PPP1R9A: variants seen among roughly 807,000 people sequenced by gnomAD.
PPP1R9A encodes neurabin-1.
PPP1R9A carries 59 observed loss-of-function variants against 141.9 expected under a neutral mutation model. That is an observed-to-expected ratio of 0.42 (90% CI 0.34 to 0.52). The LOEUF is 0.52. Ranked by LOEUF, PPP1R9A falls within the 20% of genes least tolerant of loss-of-function variation. The pLI, the probability that PPP1R9A is intolerant of heterozygous loss-of-function variation, is 0.10. For missense variants in PPP1R9A, 1,444 were observed against 1,611.9 expected (o/e 0.90, Z 1.78); for synonymous variants, 500 against 569.7 (o/e 0.88, Z 1.74).
At chr7:95,276,778 A>G (rs1456120259) in intron 16 of PPP1R9A, among the ~76,000 whole-genome samples, 4 of 151,968 alleles carry the variant, frequency 2.6e-5, no homozygotes, top group African/African-American at 9.7e-5. Context: ...ACAAGGAAAG[A>G]AGAAGGACAC....
rs1325230011 is a variant in PPP1R9A, at chr7:95,194,976, A to G, written c.1755-3373A>G. 2.0e-5 allele frequency among the ~76,000 whole-genome samples: 3 copies of G among 152,142 alleles called. No individual in the cohort carries two copies. In the East Asian group the frequency reaches 5.8e-4, roughly 29 times the overall value. The stretch of plus-strand genomic sequence containing the variant: ...AATTGACAAGCTGATTTTAAAATTT[A>G]TATGGAATTGCAGAGGAAAAACAAT... On this transcript the variant is annotated intron_variant, in intron 5 of 19. Coordinates refer to ENST00000433360, the MANE Select transcript of PPP1R9A (RefSeq NM_001166160.2).
intron 7 of PPP1R9A, among the ~76,000 whole-genome samples, chr7:95,218,415 G>T (rs146172713): frequency 6.6e-6 from 1 of 152,144 alleles, no homozygotes; most frequent in South Asian, 2.1e-4. Context: ...GAATAAGTGC[G>T]ATGTGGTGCT....
At chr7:95,285,713 A>G (rs1467395950) in intron 17 of PPP1R9A, among the ~76,000 whole-genome samples, 2 of 152,180 alleles carry the variant, frequency 1.3e-5, no homozygotes, top group African/African-American at 2.4e-5. Flanking sequence ...CTTGAAGGGT[A>G]CATCCAGGAG....
intron 2 of PPP1R9A, among the ~76,000 whole-genome samples, chr7:94,961,421 A>C (rs1209912362): frequency 6.6e-6 from 1 of 151,644 alleles, no homozygotes; most frequent in Non-Finnish European, 1.5e-5. Flanking sequence ...AATAAAAAAA[A>C]CTGATAGCCT....
intron 8 of PPP1R9A, among the ~76,000 whole-genome samples, chr7:95,235,588 A>G (rs1796571739): frequency 6.6e-6 from 1 of 152,200 alleles, no homozygotes; most frequent in Admixed American, 6.5e-5. Context: ...GTAAACTAGT[A>G]CAACCACTAT....
intron 5 of PPP1R9A, among the ~76,000 whole-genome samples, chr7:95,165,690 G>A (rs1831131863): frequency 6.6e-6 from 1 of 152,168 alleles, no homozygotes; most frequent in African/African-American, 2.4e-5. Flanking sequence ...AACAAAAACT[G>A]AAAATGTGGG....
intron 5 of PPP1R9A, among the ~76,000 whole-genome samples, chr7:95,189,476 G>T (rs1211943980): frequency 3.2e-5 from 4 of 125,906 alleles, no homozygotes; most frequent in Admixed American, 2.9e-4. Context: ...TCGCTCTGTC[G>T]CCCAGGCTGG....
intron 4 of PPP1R9A, among the ~76,000 whole-genome samples, chr7:95,123,319 T>C (rs1224189595): frequency 1.3e-5 from 2 of 152,330 alleles, no homozygotes; most frequent in East Asian, 3.9e-4. Flanking sequence ...GTTGTTATAA[T>C]AGGTGCTTAA....
chr7:95,137,415 CAAAA>C (rs33928009), intron 4 of PPP1R9A, among the ~76,000 whole-genome samples: 36,193 of 90,716 alleles, frequency 0.4, 5,221 homozygotes, highest in Middle Eastern at 0.51. Context: ...GACATGAACT[CAAAA>C]AAAAAAAAAA....
chr7:95,132,550 C>T (rs1441186055), intron 4 of PPP1R9A, among the ~76,000 whole-genome samples: 2 of 152,132 alleles, frequency 1.3e-5, no homozygotes, highest in East Asian at 3.8e-4. Context: ...GAGAAACACA[C>T]CTAGCAGCTC....
intron 2 of PPP1R9A, among the ~76,000 whole-genome samples, chr7:95,080,601 T>C (rs1241306083): frequency 1.3e-5 from 2 of 152,184 alleles, no homozygotes; most frequent in Non-Finnish European, 2.9e-5. Context: ...TTAAAGTTCA[T>C]ATGGAACCAA....
chr7:95,259,513 C>A (rs1585508870), intron 12 of PPP1R9A, among the ~76,000 whole-genome samples: 1 of 152,120 alleles, frequency 6.6e-6, no homozygotes, highest in Admixed American at 6.5e-5. Context: ...TCATTGGACT[C>A]CTCCAAGAAA....
At chr7:95,056,478 G>T (rs1304896057) in intron 2 of PPP1R9A, among the ~76,000 whole-genome samples, 1 of 152,108 alleles carries the variant, frequency 6.6e-6, no homozygotes, top group Non-Finnish European at 1.5e-5. Flanking sequence ...TTCAAACCCT[G>T]GGGCTCACAG....
intron 2 of PPP1R9A, among the ~76,000 whole-genome samples, chr7:94,977,971 C>T (rs538573119): frequency 5.3e-5 from 8 of 152,120 alleles, no homozygotes; most frequent in Non-Finnish European, 1.2e-4. Context: ...CCATATTGGC[C>T]AGGCTGGTCT....
intron 2 of PPP1R9A, among the ~76,000 whole-genome samples, chr7:95,070,027 T>A (rs946771855): frequency 2.6e-5 from 4 of 152,158 alleles, no homozygotes; most frequent in African/African-American, 9.7e-5. Context: ...CAAGCATTTT[T>A]AAAAAATATA....
At chr7:94,944,971 T>A (rs1022689070) in intron 2 of PPP1R9A, among the ~76,000 whole-genome samples, 15 of 152,008 alleles carry the variant, frequency 9.9e-5, no homozygotes, top group African/African-American at 2.9e-4. Flanking sequence ...ACTAAAAGCT[T>A]TTTGAAAGTG....
intron 2 of PPP1R9A, among the ~76,000 whole-genome samples, chr7:94,954,884 T>C (rs1796916125): frequency 6.6e-6 from 1 of 151,588 alleles, no homozygotes; most frequent in Non-Finnish European, 1.5e-5. Flanking sequence ...TGTCCACATA[T>C]GTTTGTATTT....
intron 4 of PPP1R9A, among the ~76,000 whole-genome samples, chr7:95,136,850 T>C (rs1290591339): frequency 6.6e-6 from 1 of 152,218 alleles, no homozygotes; most frequent in Non-Finnish European, 1.5e-5. Context: ...CTCTGTCTGC[T>C]TAAAGAGACC....
chr7:95,107,695 C>T (rs577127040), intron 2 of PPP1R9A, among the ~76,000 whole-genome samples: 10 of 152,102 alleles, frequency 6.6e-5, no homozygotes, highest in East Asian at 1.9e-4. Flanking sequence ...CCTTAATAAG[C>T]GAAGTTTTAT....
Sources: allele counts gnomAD v4.1 joint callset (sites outside exome capture counted in the v4.1 genomes callset), GRCh38; gene constraint gnomAD v4.1.1; transcripts MANE v1.5; gene names NCBI Gene and HGNC (gene_info 2026-07-23, HGNC 2026-07-21).